SEC16B: variants seen among roughly 807,000 people sequenced by gnomAD.
SEC16B encodes the protein protein transport protein Sec16B.
Under a neutral mutation model 141.8 loss-of-function variants are expected in SEC16B, and 115 were observed. The ratio of observed to expected loss-of-function variants is 0.81; its 90% CI spans 0.70 to 0.95. The LOEUF is 0.95. Among genes scored for constraint, SEC16B ranks in the 40% least tolerant of loss-of-function variants. The probability of loss-of-function intolerance (pLI) is 0.00; values close to 1 mark genes in which losing one functional copy is unlikely to be tolerated. For synonymous variants in SEC16B, 493 were observed against 492.5 expected (o/e 1.00, Z -0.01); for missense variants, 1,291 against 1,312.3 (o/e 0.98, Z 0.25).
At position 177,968,665 on chromosome 1, in the gene SEC16B, T is replaced by C. The variant is rs549808666; in HGVS notation, c.-58-626A>G. On this transcript the variant is annotated intron_variant, in intron 1 of 25. Coordinates refer to ENST00000308284, the MANE Select transcript of SEC16B (RefSeq NM_033127.4). ...TAAAGATTAGGGTAGTATGAGTGGC[T>C]GAAGATGTTTATTAAACAAAAAGAA... Among the ~76,000 whole-genome samples, 18 of 152,314 alleles carry C rather than the reference T, an allele frequency of 1.2e-4. No individual in the cohort carries two copies. The East Asian group carries it at 3.1e-3, about 26-fold the overall frequency.
At chr1:177,965,253 C>CTG in intron 3 of SEC16B, 86 bp from the exon 4 acceptor site, 1 of 1,486,652 alleles carries the variant, frequency 6.7e-7, no homozygotes, top group South Asian at 1.2e-5. Flanking sequence ...CTGTGAGGAG[C>CTG]TCCTGGAGCA....
chr1:177,933,996 A>T (rs498440), intron 20 of SEC16B, among the ~76,000 whole-genome samples: 12 of 146,808 alleles, frequency 8.2e-5, no homozygotes, highest in African/African-American at 3.1e-4. Context: ...AGCTCCCCCC[A>T]AAAAAAAAAA....
At chr1:177,942,422 C>T (rs1651350281) in intron 15 of SEC16B, among the ~76,000 whole-genome samples, 1 of 152,180 alleles carries the variant, frequency 6.6e-6, no homozygotes, top group African/African-American at 2.4e-5. Flanking sequence ...CTGGCTCATG[C>T]CTTGGGAGGC....
chr1:177,937,433 G>A lies in SEC16B; in HGVS notation c.2284C>T (p.Pro762Ser), dbSNP rs769927990. Residue 762 changes from proline (P) to serine (S), a missense_variant, in exon 19 of 26, where the codon CCT (proline) becomes TCT (serine). This residue lies in a region of SEC16B where 605 missense variants were observed against 614.1 expected (regional missense o/e 0.99). Coordinates refer to ENST00000308284, the MANE Select transcript of SEC16B (RefSeq NM_033127.4). ...GGCTGGAGCAGGCAGGTCTGCTCAG[G>A]TGTCAGCCACAGAGCTGAGCGGTAC... The part of the protein sequence containing the change: ...PGYRSALWLT[P>S]EQTCLLQPSP... 1 of 1,607,656 alleles carries A rather than the reference G, an allele frequency of 6.2e-7. No individual in the cohort carries two copies.
chr1:177,953,115 C>T (rs1652334164), intron 11 of SEC16B, among the ~76,000 whole-genome samples: 1 of 151,444 alleles, frequency 6.6e-6, no homozygotes, highest in Admixed American at 6.6e-5. Context: ...AAGCGATTCT[C>T]CTGCCTCAGC....
chr1:177,939,805 T>C, intron 17 of SEC16B, 28 bp from the exon 18 acceptor site: 2 of 1,498,188 alleles, frequency 1.3e-6, no homozygotes, highest in Non-Finnish European at 1.8e-6. Flanking sequence ...AAATTCCTTT[T>C]AAGCAGCACA....
chr1:177,967,801 C>T lies in SEC16B; in HGVS notation c.181G>A (p.Glu61Lys), dbSNP rs1268788871. The T allele has an allele frequency of 4.3e-6, 7 of 1,613,882 alleles. No homozygotes were observed. Among genetic ancestry groups the T allele is most frequent in the Non-Finnish European group, 5.9e-6 (7 of 1,179,900 alleles). The change falls in exon 2 of 26, where the codon GAG (glutamate) becomes AAG (lysine). Residue 61 changes from glutamate (E) to lysine (K), a missense_variant. This residue lies in a region of SEC16B where 681 missense variants were observed against 675.5 expected (regional missense o/e 1.01). Coordinates refer to ENST00000308284, the MANE Select transcript of SEC16B (RefSeq NM_033127.4). ...DNRGSPQPQQ[E>K]PRADHQQQPH... ...TGCTGCTGATGGTCTGCCCTGGGCT[C>T]CTGCTGTGGCTGGGGGCTCCCACGG...
chr1:177,966,528 T>C (rs1653532706), intron 2 of SEC16B, among the ~76,000 whole-genome samples: 2 of 152,118 alleles, frequency 1.3e-5, no homozygotes, highest in Non-Finnish European at 2.9e-5. Context: ...CCAAAAAGAC[T>C]GGGGAGAGGA....
chr1:177,952,172 G>A (rs1328019459), intron 11 of SEC16B, among the ~76,000 whole-genome samples, 177 bp from the exon 12 acceptor site: 1 of 152,208 alleles, frequency 6.6e-6, no homozygotes, highest in Non-Finnish European at 1.5e-5. Flanking sequence ...AGAGATGGCA[G>A]GATCCTCATT....
intron 2 of SEC16B, 99 bp from the exon 3 acceptor site, chr1:177,966,104 G>A (rs930983912): frequency 3.2e-5 from 21 of 651,418 alleles, no homozygotes; most frequent in Non-Finnish European, 4.9e-5. Context: ...AGAGGACAGA[G>A]TTGTGACCCC....
chr1:177,959,010 C>G (rs1157040713), intron 8 of SEC16B, 35 bp from the exon 9 acceptor site: 2 of 1,597,486 alleles, frequency 1.3e-6, no homozygotes, highest in Admixed American at 3.5e-5. Flanking sequence ...AAAGAGTGAG[C>G]AGGCAGACAC....
At chr1:177,948,358 T>A in intron 12 of SEC16B, 1 of 1,304,778 alleles carries the variant, frequency 7.7e-7, no homozygotes, top group Non-Finnish European at 1.0e-6. Flanking sequence ...GTCACAGAAG[T>A]CGGGGGAACA....
chr1:177,968,998 G>A (rs1557993638), intron 1 of SEC16B, among the ~76,000 whole-genome samples: 1 of 152,204 alleles, frequency 6.6e-6, no homozygotes, highest in East Asian at 1.9e-4. Flanking sequence ...GGGGTAGCGG[G>A]GGACAGGGGT....
At chr1:177,983,001 G>A (rs985849639) in intron 1 of SEC16B, among the ~76,000 whole-genome samples, 12 of 152,136 alleles carry the variant, frequency 7.9e-5, no homozygotes, top group African/African-American at 2.7e-4. Context: ...GCCCATTTAG[G>A]AGAATCCTTC....
At chr1:177,956,046 A>T (rs1481864826) in intron 10 of SEC16B, among the ~76,000 whole-genome samples, 1 of 152,276 alleles carries the variant, frequency 6.6e-6, no homozygotes, top group African/African-American at 2.4e-5. Flanking sequence ...TATGGCCTAA[A>T]GGCCAAATCC....
intron 1 of SEC16B, among the ~76,000 whole-genome samples, chr1:177,978,640 G>A (rs764095467): frequency 2.6e-4 from 40 of 151,768 alleles, no homozygotes; most frequent in South Asian, 8.3e-4. Context: ...GGAGTTCAAA[G>A]TTGCAGTGAA....
intron 18 of SEC16B, among the ~76,000 whole-genome samples, chr1:177,938,448 T>C (rs1410848278): frequency 6.6e-6 from 1 of 152,230 alleles, no homozygotes; most frequent in African/African-American, 2.4e-5. Flanking sequence ...GCTCCTCCTA[T>C]AACCTGTTAA....
intron 1 of SEC16B, among the ~76,000 whole-genome samples, chr1:177,975,974 C>T (rs2102023029): frequency 6.6e-6 from 1 of 152,064 alleles, no homozygotes; most frequent in Middle Eastern, 3.4e-3. Context: ...AAAGATGGTG[C>T]CTGTGCCAGA....
chr1:177,935,188 C>A (rs1341119187), intron 20 of SEC16B, among the ~76,000 whole-genome samples: 1 of 152,120 alleles, frequency 6.6e-6, no homozygotes, highest in Non-Finnish European at 1.5e-5. Context: ...AAGTGAGATG[C>A]CTGGCGCGTA....
Sources: allele counts gnomAD v4.1 joint callset (sites outside exome capture counted in the v4.1 genomes callset), GRCh38; gene constraint gnomAD v4.1.1; regional missense constraint gnomAD v4.1.1; transcripts MANE v1.5; gene names NCBI Gene and HGNC (gene_info 2026-07-23, HGNC 2026-07-21).